Variants in XRRA1 observed in about 807,000 individuals in gnomAD.
XRRA1 encodes the protein X-ray radiation resistance associated 1, also known as X-ray radiation resistance-associated protein 1.
XRRA1 carries 69 observed loss-of-function variants against 80.2 expected under a neutral mutation model. That is an observed-to-expected ratio of 0.86 (90% CI 0.71 to 1.05). The LOEUF is 1.05. Ranked by LOEUF, XRRA1 falls within the 50% of genes least tolerant of loss-of-function variation. XRRA1 has a pLI of 0.00. For synonymous variants in XRRA1, 348 were observed against 389.9 expected, an observed-to-expected ratio of 0.89 and a Z score of 1.27; for missense variants, 967 against 976.4, an observed-to-expected ratio of 0.99 and a Z score of 0.13.
chr11:74,922,805 T>C (rs1184146593), intron 7 of XRRA1, among the ~76,000 whole-genome samples: 1 of 152,208 alleles, frequency 6.6e-6, no homozygotes, highest in Non-Finnish European at 1.5e-5. Flanking sequence ...TAATCTGGGT[T>C]TCCTTATCTG....
At chr11:74,850,166 T>C (rs1484879044) in intron 14 of XRRA1, among the ~76,000 whole-genome samples, 1 of 152,200 alleles carries the variant, frequency 6.6e-6, no homozygotes, top group Non-Finnish European at 1.5e-5. Context: ...ACACTAACTT[T>C]TAACAAGTCA....
At chr11:74,913,140 C>T (rs1269597366) in intron 8 of XRRA1, among the ~76,000 whole-genome samples, 1 of 152,196 alleles carries the variant, frequency 6.6e-6, no homozygotes, top group Non-Finnish European at 1.5e-5. Context: ...TGGCAGAACA[C>T]CCACATTTAT....
At chr11:74,881,400 G>T (rs1214909649) in intron 10 of XRRA1, among the ~76,000 whole-genome samples, 5 of 150,768 alleles carry the variant, frequency 3.3e-5, no homozygotes, top group African/African-American at 9.9e-5. Flanking sequence ...ACACTGATGG[G>T]TCTTGACTCT....
chr11:74,843,320 C>T lies in XRRA1; in HGVS notation c.2283G>A (p.Gly761=), dbSNP rs776511937. The change falls in exon 19 of 19, where the codon GGG becomes GGA. Residue 761 remains glycine (G), a synonymous_variant. Transcript: ENST00000684022. The part of the protein sequence containing the change: ...LVSGSLRTVF[G]TTPLPMACPA... ...GGCAGGCCATGGGGAGCGGGGTAGT[C>T]CCGAACACTGTGCGCAGAGAGCCAC... 1.9e-6 allele frequency: 3 copies of T among 1,606,646 alleles called. No homozygotes were observed. The highest frequency in any genetic ancestry group is 2.2e-5 in the East Asian group (1 of 44,506).
chr11:74,947,014 G>A (rs1408441641), intron 1 of XRRA1, among the ~76,000 whole-genome samples: 2 of 151,728 alleles, frequency 1.3e-5, no homozygotes, highest in East Asian at 3.9e-4. Flanking sequence ...GCCTCCCAAA[G>A]TGCTGGGATT....
chr11:74,859,061 G>A (rs2041765735), intron 12 of XRRA1, 97 bp downstream of exon 12: 1 of 1,417,378 alleles, frequency 7.1e-7, no homozygotes. Flanking sequence ...CTGTAATGCA[G>A]GGAATTGAAT....
At position 74,859,274 on chromosome 11, in the gene XRRA1, T is replaced by G; in HGVS notation, c.1054A>C (p.Ile352Leu). The G allele has an allele frequency of 6.2e-7, 1 of 1,604,724 alleles. No individual in the cohort carries two copies. Among genetic ancestry groups the G allele is most frequent in the Non-Finnish European group, 8.5e-7 (1 of 1,176,736 alleles). The change falls in exon 12 of 19, where the codon ATA becomes CTA. Residue 352 changes from isoleucine to leucine, a missense_variant. By Grantham distance (5) the Ile-to-Leu change is conservative (BLOSUM62 2). Transcript: ENST00000684022. ...PGFSTSETTK[I>L]CSLPPIFEIL... is the part of the protein sequence containing the mutation. ...TCGAATATGGGAGGAAGTGAACATA[T>G]CTTGGTTGTCTTAGAAAGAAGGAAA... is the stretch of plus-strand genomic sequence containing the variant.
At chr11:74,942,182 G>C (rs572989578) in intron 2 of XRRA1, among the ~76,000 whole-genome samples, 2 of 152,124 alleles carry the variant, frequency 1.3e-5, no homozygotes, top group Admixed American at 6.6e-5. Flanking sequence ...GGAGAACCGG[G>C]GGGTGGAGAG....
chr11:74,852,506 T>TC (rs1483098826), intron 12 of XRRA1, among the ~76,000 whole-genome samples: 1 of 152,182 alleles, frequency 6.6e-6, no homozygotes, highest in African/African-American at 2.4e-5. Flanking sequence ...ATTTGACACT[T>TC]CATCTTCCTC....
At chr11:74,890,211 A>G (rs1382515691) in intron 10 of XRRA1, among the ~76,000 whole-genome samples, 1 of 152,250 alleles carries the variant, frequency 6.6e-6, no homozygotes, top group East Asian at 1.9e-4. Flanking sequence ...CTCTCAGACC[A>G]CAGTGCAGTC....
rs1257011451 is a variant in XRRA1 at position 74,842,095 on chromosome 11, C to T, written c.*1105G>A. On this transcript the variant is annotated 3_prime_UTR_variant, in exon 19 of 19. Coordinates refer to ENST00000684022, the MANE Select transcript of XRRA1 (RefSeq NM_001378157.1). ...TCCTAAGGGCCTTTTCCCCTCCTGC[C>T]TAGAAAATAGGTTGTGTATTGGTTT... 6.6e-6 allele frequency: 1 copy of T among 152,090 alleles called. No homozygotes were observed. Among genetic ancestry groups the T allele is most frequent in the Non-Finnish European group, 1.5e-5 (1 of 68,018 alleles). The allele number at this position is 152,090 out of a possible 1,614,324, so 9.4% of individuals were successfully genotyped here.
chr11:74,894,607 CT>C (rs1008529207), intron 10 of XRRA1, among the ~76,000 whole-genome samples: 19 of 152,248 alleles, frequency 1.2e-4, no homozygotes, highest in African/African-American at 4.6e-4. Context: ...CTTAACATAA[CT>C]ATCAGATCTA....
intron 10 of XRRA1, among the ~76,000 whole-genome samples, chr11:74,874,274 A>G (rs1377719743): frequency 1.3e-5 from 2 of 148,626 alleles, no homozygotes; most frequent in African/African-American, 4.9e-5. Flanking sequence ...AAAGAAACTC[A>G]AGTGGCTAAA....
At chr11:74,938,383 G>A (rs1945541889) in intron 3 of XRRA1, among the ~76,000 whole-genome samples, 1 of 152,220 alleles carries the variant, frequency 6.6e-6, no homozygotes, top group Admixed American at 6.5e-5. Flanking sequence ...GACTCCTGGG[G>A]ACCTCAGTCT....
intron 7 of XRRA1, among the ~76,000 whole-genome samples, chr11:74,926,773 T>C (rs1278272198): frequency 6.6e-6 from 1 of 152,212 alleles, no homozygotes; most frequent in Non-Finnish European, 1.5e-5. Flanking sequence ...CAAAATTTTC[T>C]GTATTTTCTA....
At chr11:74,871,612 G>A (rs868218288) in intron 10 of XRRA1, among the ~76,000 whole-genome samples, 1 of 152,150 alleles carries the variant, frequency 6.6e-6, no homozygotes, top group Non-Finnish European at 1.5e-5. Context: ...TGAGTGTCCC[G>A]GCTCTTCCTG....
chr11:74,919,763 T>G (rs1940072187), intron 8 of XRRA1: 1 of 451,410 alleles, frequency 2.2e-6, no homozygotes, highest in African/African-American at 2.0e-5. Context: ...AGATGGGAAC[T>G]CTAGATGTGC....
intron 10 of XRRA1, among the ~76,000 whole-genome samples, chr11:74,895,456 G>A (rs2052045608): frequency 6.6e-6 from 1 of 152,230 alleles, no homozygotes; most frequent in African/African-American, 2.4e-5. Flanking sequence ...ATTGGCTGAA[G>A]TGCAATGGAG....
chr11:74,853,845 A>G (rs2040457504), intron 12 of XRRA1, among the ~76,000 whole-genome samples: 1 of 152,180 alleles, frequency 6.6e-6, no homozygotes, highest in Non-Finnish European at 1.5e-5. Flanking sequence ...GAAAGAGGGC[A>G]CCTGGTGCAA....
Sources: allele counts gnomAD v4.1 joint callset (sites outside exome capture counted in the v4.1 genomes callset), GRCh38; gene constraint gnomAD v4.1.1; transcripts MANE v1.5; gene names NCBI Gene and HGNC (gene_info 2026-07-23, HGNC 2026-07-21).